TBCEL: variants seen among roughly 807,000 people sequenced by gnomAD.
TBCEL encodes tubulin folding cofactor E like, also known as tubulin-specific chaperone cofactor E-like protein.
A neutral mutation model predicts 44.2 loss-of-function variants in TBCEL; 15 were observed. The observed-to-expected ratio is 0.34, with a 90% CI of 0.23 to 0.52. The LOEUF (loss-of-function observed/expected upper bound fraction) is 0.52, where lower values mean the gene tolerates loss of function less well. TBCEL is among the 20% of genes least tolerant of loss of function. TBCEL has a pLI of 0.95. For missense variants in TBCEL, 319 were observed against 506.3 expected, an observed-to-expected ratio of 0.63 and a Z score of 3.55; for synonymous variants, 171 against 185.4, an observed-to-expected ratio of 0.92 and a Z score of 0.63.
chr11:121,066,252 G>C (rs1487905422), intron 8 of TBCEL, among the ~76,000 whole-genome samples: 2 of 152,166 alleles, frequency 1.3e-5, no homozygotes, highest in African/African-American at 4.8e-5. Flanking sequence ...CTTCTTTGCT[G>C]TTCTGTATCT....
intron 2 of TBCEL, among the ~76,000 whole-genome samples, chr11:121,037,510 C>T (rs1945253101): frequency 6.6e-6 from 1 of 152,156 alleles, no homozygotes; most frequent in South Asian, 2.1e-4. Context: ...TGGTCAATGT[C>T]CCAGAAGTGT....
At chr11:121,069,506 G>T (rs894431871) in intron 8 of TBCEL, among the ~76,000 whole-genome samples, 2 of 152,040 alleles carry the variant, frequency 1.3e-5, no homozygotes, top group Non-Finnish European at 2.9e-5. Context: ...AGTAGTAAGT[G>T]GGAGCTGGGC....
intron 2 of TBCEL, among the ~76,000 whole-genome samples, chr11:121,040,243 G>C (rs2134903824): frequency 6.6e-6 from 1 of 152,242 alleles, no homozygotes; most frequent in Non-Finnish European, 1.5e-5. Flanking sequence ...CACCTCCTTA[G>C]CTTATGGCTC....
rs1003156154 is a variant in TBCEL at position 121,090,244 on chromosome 11, G to T, written c.*3148G>T. Reference sequence around the variant, plus strand: ...CAGGAAAATTCAGTTCTAACCAGATGTTCCAGCTATGTTACTCAACCAGCA... The same window carrying T: ...CAGGAAAATTCAGTTCTAACCAGATTTTCCAGCTATGTTACTCAACCAGCA... On this transcript the variant is annotated 3_prime_UTR_variant, in exon 9 of 9. Coordinates refer to ENST00000683345, the MANE Select transcript of TBCEL (RefSeq NM_001363644.2). The T allele has an allele frequency of 6.6e-6, 1 of 152,152 alleles. No individual in the cohort carries two copies. The highest frequency in any genetic ancestry group is 1.9e-4 in the East Asian group (1 of 5,196). 9.4% of individuals were successfully genotyped at this position (152,152 alleles called of 1,614,324 possible).
intron 8 of TBCEL, among the ~76,000 whole-genome samples, chr11:121,084,893 A>G (rs1946188127): frequency 6.6e-6 from 1 of 151,924 alleles, no homozygotes; most frequent in African/African-American, 2.4e-5. Flanking sequence ...AGCCTTGGAA[A>G]ATTTCAAGTC....
intron 6 of TBCEL, among the ~76,000 whole-genome samples, 161 bp from the exon 7 acceptor site, chr11:121,058,182 CTG>C (rs1182073747): frequency 6.6e-6 from 1 of 151,846 alleles, no homozygotes; most frequent in Non-Finnish European, 1.5e-5. Flanking sequence ...GTGGTTTTAA[CTG>C]TGTTCTGCTC....
chr11:121,026,411 G>C (rs1156869280), intron 1 of TBCEL, among the ~76,000 whole-genome samples: 2 of 152,236 alleles, frequency 1.3e-5, no homozygotes, highest in Non-Finnish European at 2.9e-5. Context: ...TATTGCTGCA[G>C]GACATTGAGT....
intron 8 of TBCEL, among the ~76,000 whole-genome samples, chr11:121,066,436 A>T (rs1178445174): frequency 6.6e-6 from 1 of 152,148 alleles, no homozygotes. Context: ...CCTGCATCTT[A>T]CCTATCTTTG....
chr11:121,061,365 G>C (rs977667687), intron 8 of TBCEL, among the ~76,000 whole-genome samples: 8 of 151,808 alleles, frequency 5.3e-5, no homozygotes, highest in African/African-American at 1.7e-4. Context: ...AAGGTTTTTT[G>C]TATGTAGACA....
intron 8 of TBCEL, among the ~76,000 whole-genome samples, chr11:121,078,047 A>G (rs772135652): frequency 4.6e-5 from 7 of 151,980 alleles, no homozygotes; most frequent in Non-Finnish European, 1.0e-4. Context: ...GGTTTAGAAT[A>G]TGGTCTTTCT....
At chr11:121,063,345 T>A (rs928364658) in intron 8 of TBCEL, among the ~76,000 whole-genome samples, 9 of 152,316 alleles carry the variant, frequency 5.9e-5, no homozygotes, top group African/African-American at 2.2e-4. Flanking sequence ...TTCCCCATAG[T>A]TATATTTTTA....
At position 121,062,009 on chromosome 11, in the gene TBCEL, G is replaced by A. The variant is rs143680625; in HGVS notation, c.956+1924G>A. 4.7e-3 allele frequency among the ~76,000 whole-genome samples: 715 copies of A among 151,968 alleles called. 5 individuals are homozygous for A. The highest frequency in any genetic ancestry group is 0.017 in the Middle Eastern group (5 of 294). On this transcript the variant is annotated intron_variant, in intron 8 of 8. Coordinates refer to ENST00000683345, the MANE Select transcript of TBCEL (RefSeq NM_001363644.2). ...TTTAAAATGCAAACATTGTACAGCT[G>A]TACCAAAGCATTTTGTTCATATCTT...
intron 1 of TBCEL, among the ~76,000 whole-genome samples, chr11:121,031,230 G>A (rs1436083012): frequency 1.3e-5 from 2 of 152,120 alleles, no homozygotes; most frequent in Non-Finnish European, 2.9e-5. Flanking sequence ...AGATCATAGA[G>A]TATGTGCGTC....
rs1476565668 is a variant in TBCEL, at chr11:121,060,101, T to C, written c.956+16T>C. 1.3e-6 allele frequency: 2 copies of C among 1,580,812 alleles called. No individual in the cohort carries two copies. The highest frequency in any genetic ancestry group is 1.7e-5 in the Admixed American group (1 of 59,790). ...TGCCATTCAGGTAAAAAATTCCCCA[T>C]TGGCCAAACACTTTAGAGGGTGGTG... is the stretch of plus-strand genomic sequence containing the variant. On this transcript the variant is annotated intron_variant, in intron 8 of 8. Coordinates refer to ENST00000683345, the MANE Select transcript of TBCEL (RefSeq NM_001363644.2).
chr11:121,064,358 G>A (rs1288306637), intron 8 of TBCEL, among the ~76,000 whole-genome samples: 1 of 152,160 alleles, frequency 6.6e-6, no homozygotes, highest in East Asian at 1.9e-4. Flanking sequence ...AGTTTTTAGT[G>A]GTGGCAATGT....
chr11:121,060,191 G>A (rs1201181928), intron 8 of TBCEL, 106 bp downstream of exon 8: 1 of 739,856 alleles, frequency 1.4e-6, no homozygotes, highest in Non-Finnish European at 2.3e-6. Flanking sequence ...CCTTCTTAGA[G>A]AACTTTGTTA....
rs1945414742 is a variant in TBCEL, at chr11:121,045,551, C to G, written c.-17-123C>G. 9 of 721,148 alleles carry G rather than the reference C, an allele frequency of 1.2e-5. No individual in the cohort carries two copies. The East Asian group carries it at 2.7e-4, about 22-fold the overall frequency. 44.7% of individuals were successfully genotyped at this position (721,148 alleles called of 1,614,324 possible). A position where few individuals can be genotyped will look rare whatever the true frequency, so the allele number is the denominator to read the frequency against. On this transcript the variant is annotated intron_variant, in intron 2 of 8. Transcript: ENST00000683345. ...CAGTATATGTTTCTGGGGTCAGTAACTAAGTATCATATGTCTTGCAATGCC... is the reference window on the plus strand; with the variant it reads ...CAGTATATGTTTCTGGGGTCAGTAAGTAAGTATCATATGTCTTGCAATGCC...
In TBCEL at chr11:121,045,356, T is replaced by C. The variant is rs1447509298; in HGVS notation, c.-17-318T>C. ...TTTCAGACCTTTCTTCAATTACTTA[T>C]CCACATGAATCCTATGTACCAGCCA... On this transcript the variant is annotated intron_variant, in intron 2 of 8. Transcript: ENST00000683345. Among the ~76,000 whole-genome samples the C allele has an allele frequency of 2.6e-5, 4 of 152,270 alleles. No individual in the cohort carries two copies. In the East Asian group the frequency reaches 7.7e-4, roughly 29 times the overall value.
At chr11:121,062,422 T>A (rs998390504) in intron 8 of TBCEL, among the ~76,000 whole-genome samples, 3 of 152,182 alleles carry the variant, frequency 2.0e-5, no homozygotes, top group Non-Finnish European at 4.4e-5. Context: ...GTGCTGTACA[T>A]TTATACAGCA....
Sources: allele counts gnomAD v4.1 joint callset (sites outside exome capture counted in the v4.1 genomes callset), GRCh38; gene constraint gnomAD v4.1.1; transcripts MANE v1.5; gene names NCBI Gene and HGNC (gene_info 2026-07-23, HGNC 2026-07-21).